The following COL26A1 variants were observed in gnomAD, a reference collection of about 807,000 sequenced individuals.
COL26A1 encodes the protein collagen alpha-1(XXVI) chain.
COL26A1 carries 41 observed loss-of-function variants against 59.3 expected under a neutral mutation model. The ratio of observed to expected loss-of-function variants is 0.69; its 90% confidence interval spans 0.54 to 0.90. COL26A1 has a LOEUF of 0.90. Among genes scored for constraint, COL26A1 ranks in the 40% least tolerant of loss-of-function variants. The pLI, the probability that COL26A1 is intolerant of heterozygous loss-of-function variation, is 0.00. For synonymous variants in COL26A1, 266 were observed against 256.0 expected (o/e 1.04, Z -0.37); for missense variants, 612 against 602.3 (o/e 1.02, Z -0.17).
intron 3 of COL26A1, among the ~76,000 whole-genome samples, chr7:101,509,454 GAAAAAAGAAAAGAAGAACAGAA>G (rs1357986686): frequency 3.3e-5 from 5 of 151,858 alleles, no homozygotes; most frequent in Non-Finnish European, 7.4e-5. Context: ...TCAAAAAAAA[GAAAAAAGAAAAGAAGAACAGAA>G]AACAGCCTCT....
chr7:101,446,629 T>C (rs925898483), intron 2 of COL26A1, among the ~76,000 whole-genome samples: 4 of 152,130 alleles, frequency 2.6e-5, no homozygotes, highest in Non-Finnish European at 5.9e-5. Flanking sequence ...GGTGGATCAC[T>C]TGAGGCCAGG....
intron 1 of COL26A1, among the ~76,000 whole-genome samples, chr7:101,396,752 C>G (rs936447499): frequency 1.3e-5 from 2 of 152,146 alleles, no homozygotes; most frequent in Admixed American, 6.6e-5. Flanking sequence ...TGTGAGCTAC[C>G]ACTCCTGGCC....
intron 4 of COL26A1, among the ~76,000 whole-genome samples, chr7:101,533,936 AAGC>A (rs1795423002): frequency 1.3e-5 from 2 of 152,202 alleles, no homozygotes; most frequent in Admixed American, 1.3e-4. Flanking sequence ...CCACAGGCAA[AAGC>A]CAAAGCCAGG....
At chr7:101,530,427 G>C (rs1333318506) in intron 3 of COL26A1, among the ~76,000 whole-genome samples, 1 of 151,808 alleles carries the variant, frequency 6.6e-6, no homozygotes, top group African/African-American at 2.4e-5. Context: ...AACTAGCCGG[G>C]CGTGGTGATG....
chr7:101,506,129 C>T (rs756283262), intron 3 of COL26A1, among the ~76,000 whole-genome samples: 3 of 152,244 alleles, frequency 2.0e-5, no homozygotes, highest in Non-Finnish European at 2.9e-5. Context: ...GGTGAAATCA[C>T]ACCCATTCAG....
intron 3 of COL26A1, among the ~76,000 whole-genome samples, chr7:101,495,022 G>A (rs1344772925): frequency 6.6e-6 from 1 of 152,236 alleles, no homozygotes; most frequent in Non-Finnish European, 1.5e-5. Flanking sequence ...TGAAGGAGCT[G>A]CTGCGGTTTA....
At chr7:101,488,315 A>T (rs1209646241) in intron 3 of COL26A1, among the ~76,000 whole-genome samples, 1 of 147,124 alleles carries the variant, frequency 6.8e-6, no homozygotes, top group African/African-American at 2.5e-5. Flanking sequence ...CATAAAATAC[A>T]TTTTAACATT....
chr7:101,362,805 C>T (rs955714588), upstream of COL26A1: 3 of 537,204 alleles, frequency 5.6e-6, no homozygotes, highest in Non-Finnish European at 9.7e-6. Flanking sequence ...CAAAAAAGCC[C>T]CACGCCCCCT....
At chr7:101,531,623 A>C (rs1795369855) in intron 3 of COL26A1, among the ~76,000 whole-genome samples, 1 of 152,136 alleles carries the variant, frequency 6.6e-6, no homozygotes, top group Non-Finnish European at 1.5e-5. Flanking sequence ...GTCACTGAGG[A>C]GCAGCGAGTA....
chr7:101,547,284 C>A, intron 8 of COL26A1, 45 bp downstream of exon 8: 4 of 1,396,598 alleles, frequency 2.9e-6, no homozygotes, highest in South Asian at 2.5e-5. Context: ...TCCATCCCCC[C>A]AGGGCTGGCC....
chr7:101,377,143 G>A (rs1791337049), intron 1 of COL26A1, among the ~76,000 whole-genome samples: 3 of 152,128 alleles, frequency 2.0e-5, no homozygotes, highest in Non-Finnish European at 4.4e-5. Flanking sequence ...ACAGGCCTGA[G>A]CCACTGTGCC....
chr7:101,487,343 C>T (rs762289219), intron 3 of COL26A1, among the ~76,000 whole-genome samples: 5 of 152,134 alleles, frequency 3.3e-5, no homozygotes, highest in Admixed American at 6.5e-5. Flanking sequence ...TGGAGAGTCA[C>T]TGTCTCTTGC....
chr7:101,473,042 C>G (rs1793942254), intron 3 of COL26A1, among the ~76,000 whole-genome samples: 1 of 151,964 alleles, frequency 6.6e-6, no homozygotes, highest in Non-Finnish European at 1.5e-5. Flanking sequence ...TGTTTATCTT[C>G]CCAACTGGTT....
chr7:101,435,303 C>T (rs4727493), intron 2 of COL26A1, among the ~76,000 whole-genome samples: 69,742 of 151,912 alleles, frequency 0.46, 17,282 homozygotes, highest in Admixed American at 0.58. Context: ...TGGGCCACAG[C>T]GAGACTCCAT....
chr7:101,447,801 C>CCTGCCA lies in COL26A1; in HGVS notation c.385+14_385+15insCTGCCA. Reference sequence around the variant, plus strand: ...ACTGTGATGAGGGTAAGTTGGCAGGCACTTGGGCTGCAGGGGGCCAGGCGT... The same window carrying CCTGCCA: ...ACTGTGATGAGGGTAAGTTGGCAGGCCTGCCAACTTGGGCTGCAGGGGGCCAGGCGT... On this transcript the variant is annotated intron_variant, in intron 3 of 12. Transcript: ENST00000313669. 1.3e-6 allele frequency: 2 copies of CCTGCCA among 1,556,598 alleles called. No individual in the cohort carries two copies. The highest frequency in any genetic ancestry group is 1.8e-6 in the Non-Finnish European group (2 of 1,139,818).
intron 1 of COL26A1, among the ~76,000 whole-genome samples, chr7:101,370,066 G>C (rs1051430819): frequency 6.6e-6 from 1 of 151,948 alleles, no homozygotes; most frequent in African/African-American, 2.4e-5. Context: ...TCTCCATGTT[G>C]GTCAGGCTGG....
At chr7:101,392,867 C>A (rs541557092) in intron 1 of COL26A1, among the ~76,000 whole-genome samples, 1 of 152,110 alleles carries the variant, frequency 6.6e-6, no homozygotes. Context: ...GGGTGGGACG[C>A]AGGAGAGTGG....
At chr7:101,476,686 T>A (rs552899079) in intron 3 of COL26A1, among the ~76,000 whole-genome samples, 1 of 151,908 alleles carries the variant, frequency 6.6e-6, no homozygotes, top group East Asian at 1.9e-4. Flanking sequence ...TACCTGGGAC[T>A]ACAGGCGCCC....
chr7:101,377,103 C>T (rs1293118715), intron 1 of COL26A1, among the ~76,000 whole-genome samples: 1 of 152,178 alleles, frequency 6.6e-6, no homozygotes, highest in East Asian at 1.9e-4. Flanking sequence ...AGGTGATCCG[C>T]CTGCCTCGGC....
Sources: allele counts gnomAD v4.1 joint callset (sites outside exome capture counted in the v4.1 genomes callset), GRCh38; gene constraint gnomAD v4.1.1; transcripts MANE v1.5; gene names NCBI Gene and HGNC (gene_info 2026-07-23, HGNC 2026-07-21).